FER: variants seen among roughly 807,000 people sequenced by gnomAD.
FER encodes tyrosine-protein kinase Fer.
A neutral mutation model predicts 111.0 loss-of-function variants in FER; 63 were observed. The ratio of observed to expected loss-of-function variants is 0.57; its 90% CI spans 0.46 to 0.70. The LOEUF (loss-of-function observed/expected upper bound fraction) is 0.70, where lower values mean the gene tolerates loss of function less well. Among genes scored for constraint, FER ranks in the 30% least tolerant of loss-of-function variants. The pLI, the probability that FER is intolerant of heterozygous loss-of-function variation, is 0.00. For missense variants in FER, 914 were observed against 954.0 expected (o/e 0.96, Z 0.55); for synonymous variants, 327 against 313.9 (o/e 1.04, Z -0.44).
At chr5:108,871,332 T>G (rs778506315) in intron 6 of FER, 33 bp from the exon 7 acceptor site, 11 of 1,588,910 alleles carry the variant, frequency 6.9e-6, no homozygotes, top group Non-Finnish European at 9.4e-6. Flanking sequence ...GATAAAACTT[T>G]AAAATGCTGC....
At chr5:109,059,309 A>G (rs1456269801) in intron 16 of FER, among the ~76,000 whole-genome samples, 1 of 151,054 alleles carries the variant, frequency 6.6e-6, no homozygotes, top group Non-Finnish European at 1.5e-5. Flanking sequence ...TTTAAGAATT[A>G]TGGGATTTCT....
chr5:108,948,336 T>C (rs867624927), intron 11 of FER, among the ~76,000 whole-genome samples: 50 of 152,114 alleles, frequency 3.3e-4, no homozygotes, highest in African/African-American at 1.2e-3. Flanking sequence ...ATCTGAATAT[T>C]GTATTTGATG....
At chr5:108,926,471 C>G (rs866621755) in intron 10 of FER, among the ~76,000 whole-genome samples, 51 of 152,086 alleles carry the variant, frequency 3.4e-4, no homozygotes, top group African/African-American at 1.2e-3. Context: ...ATGGCTATCA[C>G]CCACCATCCT....
chr5:108,805,775 T>A (rs1024940521), intron 3 of FER, among the ~76,000 whole-genome samples: 55 of 152,174 alleles, frequency 3.6e-4, no homozygotes, highest in African/African-American at 1.1e-3. Flanking sequence ...AAGAAATTTC[T>A]AAGCAGCAAA....
At chr5:109,010,893 TG>T (rs1443322600) in intron 13 of FER, among the ~76,000 whole-genome samples, 2 of 152,190 alleles carry the variant, frequency 1.3e-5, no homozygotes, top group African/African-American at 4.8e-5. Context: ...AAAAGTGAAA[TG>T]AAATCAGTTT....
chr5:109,065,122 C>T lies in FER; in HGVS notation c.1924+17924C>T, dbSNP rs17161590. ...TTTACAAATAGGTTTTCACCAATAA[C>T]CTATCCAATATATATGAAACTAACA... On this transcript the variant is annotated intron_variant, in intron 16 of 19. Transcript: ENST00000281092. Among the ~76,000 whole-genome samples the T allele has an allele frequency of 8.0e-4, 121 of 152,048 alleles. 2 individuals carry two copies. The highest frequency in any genetic ancestry group is 2.9e-3 in the African/African-American group (119 of 41,462).
At chr5:109,077,421 C>G (rs922160792) in intron 16 of FER, among the ~76,000 whole-genome samples, 1 of 152,048 alleles carries the variant, frequency 6.6e-6, no homozygotes, top group Non-Finnish European at 1.5e-5. Context: ...TAATAAATAT[C>G]AATAATTTCT....
intron 2 of FER, chr5:108,785,075 C>G (rs181872170): frequency 2.5e-6 from 1 of 408,006 alleles, no homozygotes; most frequent in African/African-American, 2.1e-5. Flanking sequence ...TCGCTTCTTG[C>G]CTAACAGCAG....
intron 16 of FER, among the ~76,000 whole-genome samples, chr5:109,098,154 T>C (rs1747762040): frequency 2.0e-5 from 3 of 151,832 alleles, no homozygotes. Flanking sequence ...CCTAGTACTT[T>C]ATTTTCTGGA....
At chr5:108,819,688 G>A (rs972525982) in intron 3 of FER, 1 of 612,836 alleles carries the variant, frequency 1.6e-6, no homozygotes, top group African/African-American at 2.0e-5. Context: ...TAGGAGTCAG[G>A]TTGGAAAGAA....
chr5:109,083,620 C>T (rs1456038715), intron 16 of FER, among the ~76,000 whole-genome samples: 1 of 152,022 alleles, frequency 6.6e-6, no homozygotes, highest in African/African-American at 2.4e-5. Flanking sequence ...TGAAGAGATA[C>T]TTTTCCACAG....
intron 13 of FER, among the ~76,000 whole-genome samples, chr5:109,035,081 T>G (rs1770185422): frequency 6.7e-6 from 1 of 148,734 alleles, no homozygotes; most frequent in Admixed American, 6.8e-5. Context: ...GTCATCAGGC[T>G]GGAGTGCAGT....
chr5:108,930,772 C>A (rs1754552212), intron 10 of FER, among the ~76,000 whole-genome samples: 1 of 150,520 alleles, frequency 6.6e-6, no homozygotes, highest in Admixed American at 6.6e-5. Context: ...CAACAGTACA[C>A]TCTACTGATT....
chr5:108,801,448 A>G (rs977868620), intron 3 of FER, among the ~76,000 whole-genome samples: 3 of 152,194 alleles, frequency 2.0e-5, no homozygotes, highest in African/African-American at 4.8e-5. Context: ...TCCCTTATTC[A>G]TGGGAGATAT....
intron 14 of FER, among the ~76,000 whole-genome samples, chr5:109,041,330 A>T (rs1036936923): frequency 6.6e-6 from 1 of 152,114 alleles, no homozygotes; most frequent in African/African-American, 2.4e-5. Flanking sequence ...ATAATTATTG[A>T]CCATGGAATT....
At chr5:108,777,795 A>G (rs1753654020) in intron 2 of FER, among the ~76,000 whole-genome samples, 1 of 152,212 alleles carries the variant, frequency 6.6e-6, no homozygotes, top group South Asian at 2.1e-4. Flanking sequence ...GGATGGCAGC[A>G]GGCAAAGAGA....
At chr5:108,797,997 T>TAG (rs1756228050) in intron 2 of FER, 127 bp from the exon 3 acceptor site, 1 of 514,680 alleles carries the variant, frequency 1.9e-6, no homozygotes, top group South Asian at 3.1e-5. Flanking sequence ...TTTCTGATCT[T>TAG]TGGAAGAAAG....
intron 6 of FER, 101 bp downstream of exon 6, chr5:108,868,051 C>G: frequency 9.2e-7 from 1 of 1,086,620 alleles, no homozygotes; most frequent in South Asian, 1.6e-5. Context: ...TATTATTAAC[C>G]CAGTCCAGGG....
chr5:108,918,704 G>A (rs1339444938), intron 10 of FER, among the ~76,000 whole-genome samples: 1 of 151,752 alleles, frequency 6.6e-6, no homozygotes, highest in South Asian at 2.1e-4. Flanking sequence ...AGCCAGGATG[G>A]TCTCGATCTC....
Sources: gnomAD v4.1 joint callset for allele counts (sites outside exome capture counted in the v4.1 genomes callset) on GRCh38, gnomAD v4.1.1 for gene constraint, MANE v1.5 for transcripts, NCBI Gene and HGNC (gene_info 2026-07-23, HGNC 2026-07-21) for gene names.